INSRR: variants seen among roughly 807,000 people sequenced by gnomAD.
The protein encoded by INSRR is insulin receptor related receptor.
In INSRR, 114 loss-of-function variants were observed where a neutral mutation model predicts 130.0. That is an observed-to-expected ratio of 0.88 (90% CI 0.75 to 1.02). The LOEUF (loss-of-function observed/expected upper bound fraction) is 1.02. Ranked by LOEUF, INSRR falls within the 50% of genes least tolerant of loss-of-function variation. The pLI, the probability that INSRR is intolerant of heterozygous loss-of-function variation, is 0.00. For missense variants in INSRR, 1,657 were observed against 1,735.2 expected, an observed-to-expected ratio of 0.95 and a Z score of 0.80; for synonymous variants, 674 against 705.2, an observed-to-expected ratio of 0.96 and a Z score of 0.70.
rs889536345 is a variant in INSRR at position 156,840,769 on chromosome 1, T to C, written c.*104A>G. ...TCTCTGCCCCACCCTCGGCCATCCC[T>C]TGCCCTGAGTTGGGGTGGGGGTGAA... On this transcript the variant is annotated 3_prime_UTR_variant, in exon 22 of 22. Transcript: ENST00000368195. The C allele has an allele frequency of 3.4e-6, 3 of 890,512 alleles. No individual in the cohort carries two copies. The African/African-American group carries it at 5.0e-5, about 15-fold the overall frequency. The allele number at this position is 890,512 out of a possible 1,614,324, so 55.2% of individuals were successfully genotyped here. A position where few individuals can be genotyped will look rare whatever the true frequency, so the allele number is the denominator to read the frequency against.
Position 156,848,988 on chromosome 1 carries a change from G to A in INSRR, c.1504C>T (p.Arg502Cys). The A allele has an allele frequency of 6.2e-7, 1 of 1,611,840 alleles. No individual in the cohort carries two copies. The highest frequency in any genetic ancestry group is 8.5e-7 in the Non-Finnish European group (1 of 1,179,378). ...NVTEADRILL[R>C]WERYEPLEAR... Reference sequence around the variant, plus strand: ...TCCAGTGGCTCATAGCGCTCCCAGCGTAGCAGGATGCGGTCTGCCTCCGTC... The same window carrying A: ...TCCAGTGGCTCATAGCGCTCCCAGCATAGCAGGATGCGGTCTGCCTCCGTC... Residue 502 changes from arginine (R) to cysteine (C), a missense_variant, in exon 7 of 22, where the codon CGC becomes TGC. Arg to Cys is a radical substitution (Grantham distance 180). Transcript: ENST00000368195.
intron 1 of INSRR, among the ~76,000 whole-genome samples, chr1:156,856,096 A>G (rs1655397892): frequency 6.6e-6 from 1 of 152,098 alleles, no homozygotes; most frequent in South Asian, 2.1e-4. Context: ...GGTATCAGCT[A>G]TCATGCGTGG....
At position 156,841,480 on chromosome 1, in the gene INSRR, G is replaced by A. The variant is rs756041845; in HGVS notation, c.3576C>T (p.Pro1192=). 2 of 1,614,048 alleles carry A rather than the reference G, an allele frequency of 1.2e-6. No homozygotes were observed. The highest frequency in any genetic ancestry group is 1.7e-6 in the Non-Finnish European group (2 of 1,179,970). ...LWEIVTLAEQ[P]YQGLSNEQVL... ...CCTGCTCATTGGACAGGCCCTGGTA[G>A]GGTTGTTCTGCCAGGGTCACAATCT... is the stretch of plus-strand genomic sequence containing the variant. Residue 1192 remains proline, a synonymous_variant, in exon 21 of 22, where the codon CCC becomes CCT. Transcript: ENST00000368195.
In INSRR at chr1:156,842,479, GC is replaced by G; in HGVS notation, c.3155del (p.Gly1052AlafsTer10). 1 of 1,614,026 alleles carries G rather than the reference GC, an allele frequency of 6.2e-7. No homozygotes were observed. The highest frequency in any genetic ancestry group is 1.1e-5 in the South Asian group (1 of 91,076). ...VVRLLGVVSQ[G>X]QPTLVIMELM... is the part of the protein sequence containing the mutation. ...ACTCCATGATGACCAGAGTTGGCTG[GC>G]CCTGAGATACCACACCCAGGAGACG... On this transcript the variant is annotated frameshift_variant, in exon 18 of 22. Coordinates refer to ENST00000368195, the MANE Select transcript of INSRR (RefSeq NM_014215.3). LOFTEE classifies it high-confidence loss of function.
chr1:156,855,679 G>T (rs1425929824), intron 1 of INSRR, among the ~76,000 whole-genome samples: 1 of 152,006 alleles, frequency 6.6e-6, no homozygotes, highest in Non-Finnish European at 1.5e-5. Context: ...ACAAAAATTA[G>T]CCAGGCATGG....
In INSRR at chr1:156,840,796, A is replaced by C; in HGVS notation, c.*77T>G. 2.4e-5 allele frequency: 27 copies of C among 1,139,662 alleles called. No homozygotes were observed. Among genetic ancestry groups the C allele is most frequent in the Non-Finnish European group, 3.5e-5 (27 of 772,574 alleles). 70.6% of individuals were successfully genotyped at this position (1,139,662 alleles called of 1,614,324 possible). ...GCCCTGAGTTGGGGTGGGGGTGAAC[A>C]TTCAGGCGTCTCAGCCACAGAGGTC... On this transcript the variant is annotated 3_prime_UTR_variant, in exon 22 of 22. Transcript: ENST00000368195.
chr1:156,848,885 TCCCGCCCCCGCTCCGGC>T lies in INSRR; in HGVS notation c.1571+19_1571+35del. The T allele has an allele frequency of 3.2e-6, 5 of 1,545,828 alleles. No individual in the cohort carries two copies. The highest frequency in any genetic ancestry group is 4.4e-6 in the Non-Finnish European group (5 of 1,143,972). On this transcript the variant is annotated intron_variant, in intron 7 of 21. Coordinates refer to ENST00000368195, the MANE Select transcript of INSRR (RefSeq NM_014215.3). ...TCCCGAAGAAATTGGCCTCGTCCGG[TCCCGCCCCCGCTCCGGC>T]CCCGCCCCCGGCACTCACGACTCCT...
At position 156,845,956 on chromosome 1, in the gene INSRR, G is replaced by A. The variant is rs1326251891; in HGVS notation, c.1974C>T (p.His658=). ...DGDLYLNDYC[H]RGLRLPTSNN... ...CTGCGCGTCGTCCCTGCGCACCGCG[G>A]TGGCAGTAGTCATTGAGGTAGAGGT... is the stretch of plus-strand genomic sequence containing the variant. The change falls in exon 9 of 22, where the codon CAC becomes CAT. Residue 658 remains histidine (H), a synonymous_variant. Transcript: ENST00000368195. 2 of 1,611,972 alleles carry A rather than the reference G, an allele frequency of 1.2e-6. No homozygotes were observed.
chr1:156,851,874 C>T lies in INSRR; in HGVS notation c.941+14G>A. 1 of 1,575,188 alleles carries T rather than the reference C, an allele frequency of 6.3e-7. No homozygotes were observed. Among genetic ancestry groups the T allele is most frequent in the East Asian group, 2.3e-5 (1 of 44,402 alleles). On this transcript the variant is annotated intron_variant, in intron 3 of 21. Transcript: ENST00000368195. ...CACTGCTCCCAGGGTGCCCCCCACC[C>T]TCCCTACACTCACCTGCTGCTATTA...
chr1:156,854,086 T>C lies in INSRR; in HGVS notation c.303A>G (p.Leu101=). 6.2e-7 allele frequency: 1 copy of C among 1,614,042 alleles called. No homozygotes were observed. Among genetic ancestry groups the C allele is most frequent in the South Asian group, 1.1e-5 (1 of 91,076 alleles). The change falls in exon 2 of 22, where the codon CTA becomes CTG. Residue 101 remains leucine (L), a synonymous_variant. Transcript: ENST00000368195. This position sits in a 1 kb window ranked among gnomAD's most constrained non-coding sequence, Gnocchi z 4.2. ...AGAGGCGCGTCCCGCGGATGACTGCTAGGTTGGGGAAGAGGTCGCGCAGGC... is the reference window on the plus strand; with the variant it reads ...AGAGGCGCGTCCCGCGGATGACTGCCAGGTTGGGGAAGAGGTCGCGCAGGC... The part of the protein sequence containing the change: ...LESLRDLFPN[L]AVIRGTRLFL...
At position 156,849,298 on chromosome 1, in the gene INSRR, A is replaced by G. The variant is rs1393691500; in HGVS notation, c.1392T>C (p.Gly464=). 4 of 1,613,504 alleles carry G rather than the reference A, an allele frequency of 2.5e-6. No homozygotes were observed. The highest frequency in any genetic ancestry group is 3.4e-6 in the Non-Finnish European group (4 of 1,179,950). ...YRLEEVTGTR[G]RQNKAEINPR... The stretch of plus-strand genomic sequence containing the variant: ...GGTTGATCTCAGCCTTGTTCTGCCG[A>G]CCTCGCGTGCCTGTCACCTCCTCCA... The change falls in exon 6 of 22, where the codon GGT becomes GGC. Residue 464 remains glycine, a synonymous_variant. Transcript: ENST00000368195.
In INSRR at chr1:156,846,512, T is replaced by C; in HGVS notation, c.1810+7A>G. On this transcript the variant is annotated splice_region_variant and intron_variant, in intron 8 of 21. Transcript: ENST00000368195. Reference sequence around the variant, plus strand: ...CTGACTGACTCTTGCACCCTCCAAATGCCTACCTGCAGGCAGCGTTCGGAG... The same window carrying C: ...CTGACTGACTCTTGCACCCTCCAAACGCCTACCTGCAGGCAGCGTTCGGAG... The C allele has an allele frequency of 6.2e-7, 1 of 1,608,876 alleles. No individual in the cohort carries two copies. Among genetic ancestry groups the C allele is most frequent in the Non-Finnish European group, 8.5e-7 (1 of 1,175,404 alleles).
Position 156,845,689 on chromosome 1 carries a change from G to A in INSRR, c.2104C>T (p.Leu702=). The A allele has an allele frequency of 6.2e-7, 1 of 1,612,054 alleles. No homozygotes were observed. ...TGGAACGAGGCCTCTTGCGCCTCCAGCGGGGGCAGAACCTGACCAGGAGGT... is the reference window on the plus strand; with the variant it reads ...TGGAACGAGGCCTCTTGCGCCTCCAACGGGGGCAGAACCTGACCAGGAGGT... ...HPPPGQVLPP[L]EAQEASFQKK... is the part of the protein sequence containing the mutation. The change falls in exon 10 of 22, where the codon CTG becomes TTG. Residue 702 remains leucine (L), a synonymous_variant. Coordinates refer to ENST00000368195, the MANE Select transcript of INSRR (RefSeq NM_014215.3).
rs1655351012 is a variant in INSRR at position 156,854,825 on chromosome 1, C to T, written c.86-522G>A. Reference sequence around the variant, plus strand: ...CTATGGGCCATTCTCCACTCTGCAGCCAGAGTGATCTCAAAACACAGATGG... The same window carrying T: ...CTATGGGCCATTCTCCACTCTGCAGTCAGAGTGATCTCAAAACACAGATGG... On this transcript the variant is annotated intron_variant, in intron 1 of 21. Transcript: ENST00000368195. This position sits in a 1 kb window ranked among gnomAD's most constrained non-coding sequence, Gnocchi z 4.2. Among the ~76,000 whole-genome samples, 1 of 152,092 alleles carries T rather than the reference C, an allele frequency of 6.6e-6. No homozygotes were observed. The highest frequency in any genetic ancestry group is 1.5e-5 in the Non-Finnish European group (1 of 68,014).
chr1:156,849,098 C>G (rs1217061641), intron 6 of INSRR, 51 bp from the exon 7 acceptor site: 3 of 1,600,170 alleles, frequency 1.9e-6, no homozygotes, highest in Non-Finnish European at 2.6e-6. Flanking sequence ...GCTGCTTGAG[C>G]GCCCACCCTG....
chr1:156,854,361 G>A lies in INSRR; in HGVS notation c.86-58C>T. On this transcript the variant is annotated intron_variant, in intron 1 of 21. Transcript: ENST00000368195. The surrounding 1 kb of genome is among the most constrained non-coding windows in gnomAD (Gnocchi z 4.2). ...CAGCCCAGGCCAAATTCCCCATCCA[G>A]CCCTGGCAGCTTTGGAGGGGAGCCA... 6.7e-7 allele frequency: 1 copy of A among 1,493,230 alleles called. No homozygotes were observed. 92.5% of individuals were successfully genotyped at this position (1,493,230 alleles called of 1,614,324 possible).
intron 1 of INSRR, among the ~76,000 whole-genome samples, chr1:156,855,601 T>C (rs932128198): frequency 1.3e-5 from 2 of 152,076 alleles, no homozygotes; most frequent in African/African-American, 2.4e-5. Context: ...GGTGGGAAGA[T>C]TGCTTGAGCC....
Position 156,851,733 on chromosome 1 carries a change from T to G in INSRR, c.997A>C (p.Lys333Gln). ...LCPKECKVGT[K>Q]TIDSIQAAQD... The stretch of plus-strand genomic sequence containing the variant: ...GCCGCCTGGATGGAGTCGATGGTCT[T>G]GGTGCCTACCTTGCACTCTTTAGGG... The change falls in exon 4 of 22, where the codon AAG (lysine) becomes CAG (glutamine). Residue 333 changes from lysine (K) to glutamine (Q), a missense_variant. Lys to Gln is a moderately conservative substitution (Grantham distance 53). Coordinates refer to ENST00000368195, the MANE Select transcript of INSRR (RefSeq NM_014215.3). The G allele has an allele frequency of 6.2e-7, 1 of 1,614,204 alleles. No homozygotes were observed. The highest frequency in any genetic ancestry group is 1.1e-5 in the South Asian group (1 of 91,086).
intron 6 of INSRR, 64 bp from the exon 7 acceptor site, chr1:156,849,111 C>A: frequency 1.3e-6 from 2 of 1,597,136 alleles, no homozygotes; most frequent in South Asian, 1.1e-5. Context: ...CCACCCTGAC[C>A]CCGCGGCATC....
Sources: gnomAD v4.1 joint callset for allele counts (sites outside exome capture counted in the v4.1 genomes callset) on GRCh38, gnomAD v4.1.1 for gene constraint, Gnocchi (gnomAD v3.1) non-coding constraint, MANE v1.5 for transcripts, NCBI Gene and HGNC (gene_info 2026-07-23, HGNC 2026-07-21) for gene names.